Variants in KDM4C observed in about 807,000 individuals in gnomAD.
KDM4C encodes lysine demethylase 4C, also known as lysine-specific demethylase 4C.
In KDM4C, 81 loss-of-function variants were observed where a neutral mutation model predicts 129.3. The ratio of observed to expected loss-of-function variants is 0.63; its 90% CI spans 0.52 to 0.75. KDM4C has a LOEUF of 0.75. Among genes scored for constraint, KDM4C ranks in the 30% least tolerant of loss-of-function variants. The pLI, the probability that KDM4C is intolerant of heterozygous loss-of-function variation, is 0.00. For missense variants in KDM4C, 1,457 were observed against 1,304.0 expected (o/e 1.12, Z -1.81); for synonymous variants, 573 against 456.1 (o/e 1.26, Z -3.26).
intron 17 of KDM4C, chr9:7,076,600 G>A: frequency 6.9e-7 from 1 of 1,455,310 alleles, no homozygotes; most frequent in Non-Finnish European, 9.0e-7. Context: ...TTAGGATGGG[G>A]ATACAATAGC....
intron 18 of KDM4C, chr9:7,105,622 A>G: frequency 1.1e-5 from 4 of 364,128 alleles, no homozygotes; most frequent in South Asian, 2.1e-5. Context: ...TTTTTAGCTC[A>G]TACTCTATTA....
chr9:6,770,213 A>G (rs1446549163), intron 1 of KDM4C, among the ~76,000 whole-genome samples: 1 of 144,498 alleles, frequency 6.9e-6, no homozygotes, highest in African/African-American at 2.6e-5. Context: ...AACAAAAAAC[A>G]CCAAAAAAAA....
At position 7,056,427 on chromosome 9, in the gene KDM4C, G is replaced by T. The variant is rs1830880200; in HGVS notation, c.2424+7227G>T. Among the ~76,000 whole-genome samples the T allele has an allele frequency of 4.6e-5, 7 of 151,782 alleles. No homozygotes were observed. The South Asian group carries it at 1.5e-3, about 31-fold the overall frequency. ...TTTGCTACAGGGACTAGATCCTATTGCAAGCTGTCAAATTTGTATATTGCT... is the reference window on the plus strand; with the variant it reads ...TTTGCTACAGGGACTAGATCCTATTTCAAGCTGTCAAATTTGTATATTGCT... On this transcript the variant is annotated intron_variant, in intron 17 of 21. Transcript: ENST00000381309.
At chr9:6,832,471 G>A (rs1185853957) in intron 4 of KDM4C, among the ~76,000 whole-genome samples, 1 of 139,914 alleles carries the variant, frequency 7.1e-6, no homozygotes, top group Admixed American at 7.2e-5. Context: ...TGTCACCCAG[G>A]CTGGAGTGCA....
chr9:6,969,046 G>T (rs1364653519), intron 8 of KDM4C, among the ~76,000 whole-genome samples: 3 of 151,904 alleles, frequency 2.0e-5, no homozygotes, highest in South Asian at 4.2e-4. Flanking sequence ...AATGATTCTT[G>T]TGCCTCGGCT....
chr9:6,761,937 G>C (rs1819621935), intron 1 of KDM4C, among the ~76,000 whole-genome samples: 1 of 152,016 alleles, frequency 6.6e-6, no homozygotes, highest in Admixed American at 6.6e-5. Flanking sequence ...CTCCCGAGTA[G>C]CTGGGATTAC....
chr9:6,893,191 G>C lies in KDM4C; in HGVS notation c.880G>C (p.Ala294Pro). Residue 294 changes from alanine (A) to proline (P), a missense_variant, in exon 8 of 22, where the codon GCT becomes CCT. Coordinates refer to ENST00000381309, the MANE Select transcript of KDM4C (RefSeq NM_015061.6). ...GFNCAESTNF[A>P]TVRWIDYGKV... is the part of the protein sequence containing the mutation. ...CAACTGTGCAGAATCTACAAATTTT[G>C]CTACTGTCAGATGGATTGACTATGG... 6.2e-7 allele frequency: 1 copy of C among 1,610,852 alleles called. No individual in the cohort carries two copies. Among genetic ancestry groups the C allele is most frequent in the Non-Finnish European group, 8.5e-7 (1 of 1,178,488 alleles).
intron 4 of KDM4C, among the ~76,000 whole-genome samples, chr9:6,815,833 C>G (rs1339766021): frequency 6.6e-6 from 1 of 152,172 alleles, no homozygotes; most frequent in Non-Finnish European, 1.5e-5. Context: ...GATACTTGAT[C>G]TATAGTTAAT....
intron 1 of KDM4C, among the ~76,000 whole-genome samples, chr9:6,749,713 G>A (rs1198312016): frequency 6.6e-6 from 1 of 151,836 alleles, no homozygotes; most frequent in African/African-American, 2.4e-5. Flanking sequence ...CTGGCTGGGC[G>A]CAGTGGCTCA....
intron 5 of KDM4C, among the ~76,000 whole-genome samples, chr9:6,876,951 G>A (rs1010975874): frequency 2.0e-5 from 3 of 152,180 alleles, no homozygotes; most frequent in Non-Finnish European, 4.4e-5. Flanking sequence ...TGGGGAGTCA[G>A]GACCAAGCAG....
intron 4 of KDM4C, among the ~76,000 whole-genome samples, chr9:6,841,903 C>G (rs1265480603): frequency 2.6e-5 from 4 of 152,206 alleles, no homozygotes; most frequent in Non-Finnish European, 5.9e-5. Flanking sequence ...CAGGGCTGTG[C>G]TAGATCCTAC....
chr9:6,781,982 G>T (rs993255801), intron 1 of KDM4C, among the ~76,000 whole-genome samples: 1 of 151,962 alleles, frequency 6.6e-6, no homozygotes, highest in South Asian at 2.1e-4. Context: ...CTGCCACCAT[G>T]CCCGGCTAAT....
At chr9:6,865,143 G>A (rs186966350) in intron 5 of KDM4C, among the ~76,000 whole-genome samples, 2 of 151,650 alleles carry the variant, frequency 1.3e-5, no homozygotes, top group East Asian at 3.9e-4. Context: ...CGAGTAGCTG[G>A]GACTGCAGGT....
At chr9:6,768,109 A>G (rs1035276162) in intron 1 of KDM4C, among the ~76,000 whole-genome samples, 6 of 152,154 alleles carry the variant, frequency 3.9e-5, no homozygotes, top group African/African-American at 1.4e-4. Flanking sequence ...TTTAGGGAAT[A>G]TGAACTTTTT....
chr9:7,170,132 A>G (rs1000034643), intron 21 of KDM4C: 4 of 1,382,840 alleles, frequency 2.9e-6, no homozygotes, highest in Non-Finnish European at 3.8e-6. Context: ...CTTTGTGTTG[A>G]CATTTATTGG....
At chr9:7,137,867 C>T (rs1021889076) in intron 19 of KDM4C, among the ~76,000 whole-genome samples, 5 of 152,148 alleles carry the variant, frequency 3.3e-5, no homozygotes, top group Non-Finnish European at 5.9e-5. Flanking sequence ...TGTTCCTTTT[C>T]GACCATGGGA....
At chr9:7,160,311 G>A (rs978800401) in intron 19 of KDM4C, among the ~76,000 whole-genome samples, 1 of 152,078 alleles carries the variant, frequency 6.6e-6, no homozygotes, top group Non-Finnish European at 1.5e-5. Flanking sequence ...TGTTATTACC[G>A]ACCTTCTGAA....
intron 17 of KDM4C, among the ~76,000 whole-genome samples, chr9:7,089,663 A>G (rs760217712): frequency 2.0e-5 from 3 of 152,212 alleles, no homozygotes; most frequent in Non-Finnish European, 2.9e-5. Context: ...TAACCTTTCC[A>G]GTCCAAGTTA....
intron 17 of KDM4C, among the ~76,000 whole-genome samples, chr9:7,070,081 A>T (rs939394785): frequency 6.6e-6 from 1 of 152,238 alleles, no homozygotes; most frequent in Non-Finnish European, 1.5e-5. Flanking sequence ...AAACAGACTG[A>T]CAAAATCAAA....
Sources: gnomAD v4.1 joint callset for allele counts (sites outside exome capture counted in the v4.1 genomes callset) on GRCh38, gnomAD v4.1.1 for gene constraint, MANE v1.5 for transcripts, NCBI Gene and HGNC (gene_info 2026-07-23, HGNC 2026-07-21) for gene names.